Variants in ANKRD30A observed in about 807,000 individuals in gnomAD.
The protein encoded by ANKRD30A is ankyrin repeat domain-containing protein 30A.
ANKRD30A carries 170 observed loss-of-function variants against 166.3 expected under a neutral mutation model. That is an observed-to-expected ratio of 1.02 (90% confidence interval 0.90 to 1.16). The LOEUF is 1.16. Among genes scored for constraint, ANKRD30A ranks in the 50% most tolerant of loss-of-function variants. The pLI is 0.00. For synonymous variants in ANKRD30A, 564 were observed against 508.9 expected (o/e 1.11, Z -1.46); for missense variants, 1,630 against 1,518.0 (o/e 1.07, Z -1.23).
chr10:37,131,537 G>C (rs1227304968), intron 3 of ANKRD30A, among the ~76,000 whole-genome samples: 2 of 152,096 alleles, frequency 1.3e-5, no homozygotes, highest in East Asian at 3.9e-4. Context: ...CTTCCTTAGT[G>C]ACCCATGTAG....
chr10:37,258,048 G>C, the ANKRD30A span, among the ~76,000 whole-genome samples: 1 of 152,102 alleles, frequency 6.6e-6, no homozygotes, highest in African/African-American at 2.4e-5. Flanking sequence ...CAGGTTGATA[G>C]GTGCAGCAAA....
chr10:37,210,615 C>G (rs1842250443), intron 31 of ANKRD30A, among the ~76,000 whole-genome samples: 3 of 152,202 alleles, frequency 2.0e-5, no homozygotes, highest in Non-Finnish European at 4.4e-5. Flanking sequence ...TCTCCACATC[C>G]TCTCCAGCAT....
At chr10:37,155,172 GTTA>G (rs1335237481) in intron 13 of ANKRD30A, among the ~76,000 whole-genome samples, 2 of 152,046 alleles carry the variant, frequency 1.3e-5, no homozygotes, top group Non-Finnish European at 2.9e-5. Context: ...CATAGAAAAT[GTTA>G]TTAATATTTA....
chr10:37,154,944 G>T (rs1296169056), intron 13 of ANKRD30A, among the ~76,000 whole-genome samples: 5 of 152,122 alleles, frequency 3.3e-5, no homozygotes, highest in Admixed American at 6.5e-5. Flanking sequence ...TATGTATGTT[G>T]TTGATATTCA....
rs1326754457 is a variant in ANKRD30A, at chr10:37,193,193, G to A, written c.2549G>A (p.Cys850Tyr). 2 of 1,611,742 alleles carry A rather than the reference G, an allele frequency of 1.2e-6. No individual in the cohort carries two copies. Among genetic ancestry groups the A allele is most frequent in the African/African-American group, 2.7e-5 (2 of 74,674 alleles). ...PDNDGFLKAP[C>Y]RMKVSIPTKA... Reference sequence around the variant, plus strand: ...GTTTCTAAACCCATTTAGGCTCCCTGCAGAATGAAAGTTTCTATTCCAACT... The same window carrying A: ...GTTTCTAAACCCATTTAGGCTCCCTACAGAATGAAAGTTTCTATTCCAACT... Residue 850 changes from cysteine to tyrosine, a missense_variant, in exon 27 of 36, where the codon TGC becomes TAC. Transcript: ENST00000361713.
At chr10:37,135,904 A>G (rs1311573516) in intron 5 of ANKRD30A, among the ~76,000 whole-genome samples, 1 of 152,228 alleles carries the variant, frequency 6.6e-6, no homozygotes, top group Non-Finnish European at 1.5e-5. Context: ...AGGAATTAAT[A>G]ACAGAAAACT....
At chr10:37,200,788 T>C (rs1588910631) in intron 30 of ANKRD30A, among the ~76,000 whole-genome samples, 1 of 152,110 alleles carries the variant, frequency 6.6e-6, no homozygotes, top group African/African-American at 2.4e-5. Context: ...GTTCTCTTCA[T>C]GACAGGCATC....
At chr10:37,153,253 A>G (rs562453603) in intron 12 of ANKRD30A, among the ~76,000 whole-genome samples, 1 of 152,334 alleles carries the variant, frequency 6.6e-6, no homozygotes, top group South Asian at 2.1e-4. Context: ...GATGAGGACT[A>G]GAACATAAGT....
intron 1 of ANKRD30A, among the ~76,000 whole-genome samples, chr10:37,126,420 C>A (rs1485844996): frequency 6.6e-6 from 1 of 152,100 alleles, no homozygotes; most frequent in East Asian, 1.9e-4. Flanking sequence ...AAATAATTCC[C>A]ATAATATATG....
the ANKRD30A span, among the ~76,000 whole-genome samples, chr10:37,253,161 A>G: frequency 1.3e-5 from 2 of 152,176 alleles, no homozygotes; most frequent in African/African-American, 2.4e-5. Flanking sequence ...AATAATTTCA[A>G]CTTGTATCAC....
rs533007635 is a variant in ANKRD30A at position 37,197,781 on chromosome 10, C to CA, written c.2716+303dup. Among the ~76,000 whole-genome samples, 378 of 152,096 alleles carry CA rather than the reference C, an allele frequency of 2.5e-3. 3 individuals are homozygous for CA. The highest frequency in any genetic ancestry group is 7.7e-3 in the African/African-American group (318 of 41,482). ...TTCAAGAAGGTGAATGTTGAAACTC[C>CA]AATTTCTTTTTTTAGTTCTTCGAAG... On this transcript the variant is annotated intron_variant, in intron 29 of 35. Coordinates refer to ENST00000361713, the MANE Select transcript of ANKRD30A (RefSeq NM_052997.3).
intron 13 of ANKRD30A, 136 bp downstream of exon 13, chr10:37,153,798 T>G: frequency 8.0e-7 from 1 of 1,245,770 alleles, no homozygotes; most frequent in Non-Finnish European, 1.1e-6. Context: ...GCAATGGTCG[T>G]AAGTTGTATG....
At chr10:37,223,461 C>T (rs568479472) in intron 34 of ANKRD30A, among the ~76,000 whole-genome samples, 44 of 151,382 alleles carry the variant, frequency 2.9e-4, no homozygotes, top group African/African-American at 1.1e-3. Context: ...AATGAACAAA[C>T]CTGGAATATT....
At chr10:37,213,846 T>C (rs1842473245) in intron 31 of ANKRD30A, among the ~76,000 whole-genome samples, 1 of 151,654 alleles carries the variant, frequency 6.6e-6, no homozygotes, top group African/African-American at 2.4e-5. Flanking sequence ...TTGATTGCTT[T>C]TGGGTCAGGT....
rs1842739600 is a variant in ANKRD30A at position 37,218,994 on chromosome 10, T to C, written c.3282T>C (p.His1094=). ...ESNLNQVSHT[H]ENENYLLHEN... is the part of the protein sequence containing the mutation. Reference sequence around the variant, plus strand: ...GTTTTATTTAGGTTTCTCACACTCATGAAAATGAAAATTATCTCTTACATG... The same window carrying C: ...GTTTTATTTAGGTTTCTCACACTCACGAAAATGAAAATTATCTCTTACATG... The change falls in exon 34 of 36, where the codon CAT becomes CAC. Residue 1094 remains histidine, a synonymous_variant. Coordinates refer to ENST00000361713, the MANE Select transcript of ANKRD30A (RefSeq NM_052997.3). The C allele has an allele frequency of 1.9e-6, 3 of 1,584,498 alleles. No individual in the cohort carries two copies. The highest frequency in any genetic ancestry group is 2.6e-6 in the Non-Finnish European group (3 of 1,168,910).
At chr10:37,250,708 G>A in the ANKRD30A span, among the ~76,000 whole-genome samples, 3 of 152,176 alleles carry the variant, frequency 2.0e-5, no homozygotes, top group African/African-American at 7.2e-5. Context: ...CCTGCGCCAT[G>A]TGAGATATAG....
At chr10:37,134,079 GT>G (rs754090750) in intron 5 of ANKRD30A, 26 bp downstream of exon 5, 18 of 1,610,254 alleles carry the variant, frequency 1.1e-5, no homozygotes, top group Non-Finnish European at 8.5e-7. Context: ...TAGAGGCTAG[GT>G]GAGATTTTAT....
chr10:37,219,219 A>C lies in ANKRD30A; in HGVS notation c.3507A>C (p.Lys1169Asn), dbSNP rs1209644461. 1 of 1,610,744 alleles carries C rather than the reference A, an allele frequency of 6.2e-7. No homozygotes were observed. The highest frequency in any genetic ancestry group is 2.2e-5 in the East Asian group (1 of 44,776). The stretch of plus-strand genomic sequence containing the variant: ...CATCTCAATATAGTGGGCAGCTTAA[A>C]GTTCTGATAGCTGAGAACACAATGC... ...KRASQYSGQL[K>N]VLIAENTMLT... The change falls in exon 34 of 36, where the codon AAA becomes AAC. Residue 1169 changes from lysine (K) to asparagine (N), a missense_variant. By Grantham distance (94) the Lys-to-Asn change is moderately conservative. Transcript: ENST00000361713.
intron 27 of ANKRD30A, among the ~76,000 whole-genome samples, chr10:37,196,083 T>A (rs1215504846): frequency 6.9e-6 from 1 of 144,408 alleles, no homozygotes; most frequent in Admixed American, 7.4e-5. Flanking sequence ...GAGGTTTTTT[T>A]ATATTTTCTA....
Sources: gnomAD v4.1 joint callset for allele counts (sites outside exome capture counted in the v4.1 genomes callset) on GRCh38, gnomAD v4.1.1 for gene constraint, MANE v1.5 for transcripts, NCBI Gene and HGNC (gene_info 2026-07-23, HGNC 2026-07-21) for gene names.